Variants in LRRTM4 observed in about 807,000 individuals in gnomAD.
The protein encoded by LRRTM4 is leucine rich repeat transmembrane neuronal 4, also known as leucine-rich repeat transmembrane neuronal protein 4.
A neutral mutation model predicts 47.6 loss-of-function variants in LRRTM4; 25 were observed. The ratio of observed to expected loss-of-function variants is 0.53; its 90% CI spans 0.38 to 0.73. LRRTM4 has a LOEUF of 0.73. LRRTM4 is among the 30% of genes least tolerant of loss of function. LRRTM4 has a pLI of 0.00. For missense variants in LRRTM4, 638 were observed against 713.4 expected, an observed-to-expected ratio of 0.89 and a Z score of 1.20; for synonymous variants, 311 against 269.5, an observed-to-expected ratio of 1.15 and a Z score of -1.51.
At chr2:76,957,311 G>C (rs1381604806) in intron 3 of LRRTM4, among the ~76,000 whole-genome samples, 1 of 151,584 alleles carries the variant, frequency 6.6e-6, no homozygotes, top group African/African-American at 2.4e-5. Flanking sequence ...CATGCAAAAT[G>C]AAAAAGTTTT....
intron 3 of LRRTM4, among the ~76,000 whole-genome samples, chr2:77,155,545 A>C (rs1346012267): frequency 2.0e-5 from 3 of 151,574 alleles, no homozygotes; most frequent in Non-Finnish European, 4.4e-5. Context: ...AACACATAGA[A>C]ACTTTGAATA....
intron 3 of LRRTM4, among the ~76,000 whole-genome samples, chr2:77,061,664 T>C (rs1053193620): frequency 1.3e-5 from 2 of 152,296 alleles, no homozygotes; most frequent in South Asian, 2.1e-4. Context: ...TATATACATA[T>C]ATATGTATCA....
intron 3 of LRRTM4, among the ~76,000 whole-genome samples, chr2:77,001,585 C>A (rs1387827647): frequency 6.6e-6 from 1 of 152,114 alleles, no homozygotes; most frequent in African/African-American, 2.4e-5. Flanking sequence ...CAAGGCACCA[C>A]CCTAGAGTTC....
intron 3 of LRRTM4, among the ~76,000 whole-genome samples, chr2:76,996,096 A>G (rs1222897320): frequency 1.3e-5 from 2 of 152,118 alleles, no homozygotes; most frequent in Admixed American, 1.3e-4. Flanking sequence ...ATAGGTATAT[A>G]TAAATCAGGA....
At chr2:77,490,624 T>TAATA (rs760488048) in intron 3 of LRRTM4, among the ~76,000 whole-genome samples, 28 of 150,666 alleles carry the variant, frequency 1.9e-4, no homozygotes, top group African/African-American at 2.4e-4. Flanking sequence ...TCAAAAATAA[T>TAATA]AAAAAAAAAC....
chr2:77,233,316 T>G (rs1174981264), intron 3 of LRRTM4, among the ~76,000 whole-genome samples: 1 of 152,204 alleles, frequency 6.6e-6, no homozygotes, highest in Non-Finnish European at 1.5e-5. Flanking sequence ...TTACAGCTGC[T>G]TCTTGAAACT....
intron 3 of LRRTM4, among the ~76,000 whole-genome samples, chr2:77,138,457 G>A (rs964303029): frequency 2.0e-5 from 3 of 152,014 alleles, no homozygotes; most frequent in African/African-American, 4.8e-5. Context: ...AGAATCTCTG[G>A]GACACATTTA....
intron 3 of LRRTM4, among the ~76,000 whole-genome samples, chr2:77,230,287 T>A (rs1674928309): frequency 6.6e-6 from 1 of 152,148 alleles, no homozygotes; most frequent in Non-Finnish European, 1.5e-5. Flanking sequence ...TTAATCCATA[T>A]AGGTATGAGA....
chr2:77,440,517 T>A (rs967966684), intron 3 of LRRTM4, among the ~76,000 whole-genome samples: 1 of 152,184 alleles, frequency 6.6e-6, no homozygotes, highest in Admixed American at 6.5e-5. Flanking sequence ...TTTATAAAAA[T>A]TAAATGTTTG....
At chr2:76,904,176 G>A (rs1242901161) in intron 3 of LRRTM4, among the ~76,000 whole-genome samples, 1 of 152,186 alleles carries the variant, frequency 6.6e-6, no homozygotes, top group Non-Finnish European at 1.5e-5. Context: ...TTTAAATTCA[G>A]TGCTTGTTCT....
intron 3 of LRRTM4, among the ~76,000 whole-genome samples, chr2:76,791,450 G>GA (rs1198227098): frequency 6.6e-6 from 1 of 152,052 alleles, no homozygotes; most frequent in Admixed American, 6.6e-5. Context: ...GAATTTAGAG[G>GA]AAAAAATCCA....
chr2:76,804,398 C>G (rs1675856509), intron 3 of LRRTM4, among the ~76,000 whole-genome samples: 1 of 152,048 alleles, frequency 6.6e-6, no homozygotes, highest in Non-Finnish European at 1.5e-5. Flanking sequence ...TACACACACA[C>G]AGCTTCTCAG....
At chr2:77,033,976 A>G (rs2104150426) in intron 3 of LRRTM4, among the ~76,000 whole-genome samples, 1 of 151,958 alleles carries the variant, frequency 6.6e-6, no homozygotes, top group East Asian at 1.9e-4. Context: ...AATACAATCA[A>G]GATTTCAAGA....
At chr2:76,824,266 T>A (rs1671131971) in intron 3 of LRRTM4, among the ~76,000 whole-genome samples, 1 of 151,566 alleles carries the variant, frequency 6.6e-6, no homozygotes, top group Non-Finnish European at 1.5e-5. Context: ...GATCTATAAA[T>A]GTGTGTGTGT....
chr2:76,860,093 C>A (rs1005655656), intron 3 of LRRTM4, among the ~76,000 whole-genome samples: 3 of 152,088 alleles, frequency 2.0e-5, no homozygotes, highest in East Asian at 1.9e-4. Context: ...AGAAAACACA[C>A]ACAGAAAATA....
intron 3 of LRRTM4, among the ~76,000 whole-genome samples, chr2:76,806,903 T>TA (rs1039076481): frequency 1.3e-5 from 2 of 151,884 alleles, no homozygotes; most frequent in Non-Finnish European, 2.9e-5. Flanking sequence ...ATTTCATAAA[T>TA]AAAAAAATAC....
intron 3 of LRRTM4, among the ~76,000 whole-genome samples, chr2:76,943,493 T>C (rs1181927836): frequency 6.6e-6 from 1 of 152,248 alleles, no homozygotes; most frequent in East Asian, 1.9e-4. Flanking sequence ...TGCAGACATG[T>C]TTGAGCATCA....
chr2:76,986,699 C>T (rs181432921), intron 3 of LRRTM4, among the ~76,000 whole-genome samples: 95 of 151,982 alleles, frequency 6.3e-4, no homozygotes, highest in African/African-American at 2.2e-3. Context: ...AGGGAGAAAA[C>T]CTGAGCCGAG....
Position 77,108,063 on chromosome 2 carries a change from GA to G in LRRTM4, c.1552-359148del, listed in dbSNP as rs1295691679. Among the ~76,000 whole-genome samples the G allele has an allele frequency of 3.3e-5, 5 of 151,920 alleles. No homozygotes were observed. In the East Asian group the frequency reaches 9.7e-4, roughly 29 times the overall value. ...GAATTTATTGCATATTAAACTCTGT[GA>G]AAAAACAACCAGTAAGTGAACCCAG... On this transcript the variant is annotated intron_variant, in intron 3 of 3. Transcript: ENST00000409884.
Sources: allele counts gnomAD v4.1 joint callset (sites outside exome capture counted in the v4.1 genomes callset), GRCh38; gene constraint gnomAD v4.1.1; transcripts MANE v1.5; gene names NCBI Gene and HGNC (gene_info 2026-07-23, HGNC 2026-07-21).